Variants in MICU1 observed in about 807,000 individuals in gnomAD.
MICU1 encodes the protein calcium uptake protein 1, mitochondrial.
A neutral mutation model predicts 56.8 loss-of-function variants in MICU1; 45 were observed. The ratio of observed to expected loss-of-function variants is 0.79; its 90% CI spans 0.62 to 1.02. MICU1 has a LOEUF of 1.02. Among genes scored for constraint, MICU1 ranks in the 50% least tolerant of loss-of-function variants. The pLI, the probability that MICU1 is intolerant of heterozygous loss-of-function variation, is 0.00. For missense variants in MICU1, 504 were observed against 587.1 expected (o/e 0.86, Z 1.46); for synonymous variants, 186 against 195.1 (o/e 0.95, Z 0.39).
In MICU1 at chr10:72,516,117, T is replaced by G. The variant is rs1286239273; in HGVS notation, c.538-7848A>C. On this transcript the variant is annotated intron_variant, in intron 5 of 11. Coordinates refer to ENST00000361114, the MANE Select transcript of MICU1 (RefSeq NM_001195518.2). The stretch of plus-strand genomic sequence containing the variant: ...CAGCATCTGTTGTTTCCTGACTTTT[T>G]AATGATTGCCATTCTAACTGGCACG... Among the ~76,000 whole-genome samples, 3 of 152,232 alleles carry G rather than the reference T, an allele frequency of 2.0e-5. No individual in the cohort carries two copies. The South Asian group carries it at 6.2e-4, about 31-fold the overall frequency.
At chr10:72,605,520 G>C (rs2132555670) in intron 1 of MICU1, among the ~76,000 whole-genome samples, 1 of 152,216 alleles carries the variant, frequency 6.6e-6, no homozygotes, top group African/African-American at 2.4e-5. Flanking sequence ...ATTCTTTCTT[G>C]GGCAAAGCCA....
At chr10:72,420,197 T>C (rs1442227764) in intron 9 of MICU1, among the ~76,000 whole-genome samples, 1 of 152,108 alleles carries the variant, frequency 6.6e-6, no homozygotes, top group East Asian at 1.9e-4. Flanking sequence ...GTAGCTAGGA[T>C]TACAGGCATG....
At position 72,542,799 on chromosome 10, in the gene MICU1, T is replaced by C. The variant is rs555294227; in HGVS notation, c.493+8380A>G. 2.0e-5 allele frequency among the ~76,000 whole-genome samples: 3 copies of C among 152,336 alleles called. No homozygotes were observed. In the East Asian group the frequency reaches 5.8e-4, roughly 29 times the overall value. On this transcript the variant is annotated intron_variant, in intron 4 of 11. Transcript: ENST00000361114. ...TGTTGGCTCCCAAGCTCCTGTCTGG[T>C]GTCCAGGAAAATTGAGGTCGCACGA...
intron 4 of MICU1, among the ~76,000 whole-genome samples, chr10:72,547,531 A>ATG (rs1281947889): frequency 1.6e-4 from 16 of 99,746 alleles, no homozygotes; most frequent in African/African-American, 6.7e-4. Context: ...ATATACACAT[A>ATG]TGTATATATA....
intron 1 of MICU1, among the ~76,000 whole-genome samples, chr10:72,611,694 T>C (rs1401471824): frequency 6.6e-6 from 1 of 152,118 alleles, no homozygotes; most frequent in Non-Finnish European, 1.5e-5. Flanking sequence ...TCTGCCCCAA[T>C]ACTCTCAAAC....
chr10:72,412,971 C>G (rs1863871405), intron 9 of MICU1, among the ~76,000 whole-genome samples: 1 of 151,716 alleles, frequency 6.6e-6, no homozygotes, highest in African/African-American at 2.4e-5. Flanking sequence ...CAAAGGCGGG[C>G]AGATCACTTG....
intron 1 of MICU1, among the ~76,000 whole-genome samples, chr10:72,603,382 G>A (rs1318537189): frequency 9.4e-6 from 1 of 105,912 alleles, no homozygotes; most frequent in East Asian, 2.0e-4. Context: ...GCAAGACTCT[G>A]TCTCAAAAAA....
chr10:72,535,890 A>T (rs1229476407), intron 4 of MICU1, among the ~76,000 whole-genome samples: 4 of 152,142 alleles, frequency 2.6e-5, no homozygotes, highest in Non-Finnish European at 4.4e-5. Context: ...AAAGGAAGAA[A>T]TTCTGTCATT....
intron 1 of MICU1, among the ~76,000 whole-genome samples, chr10:72,603,588 T>C (rs1054384073): frequency 1.9e-4 from 29 of 151,972 alleles, no homozygotes; most frequent in Non-Finnish European, 3.5e-4. Flanking sequence ...ATGGATCACC[T>C]GAGGTCAGGA....
intron 8 of MICU1, among the ~76,000 whole-genome samples, chr10:72,456,948 T>TGTGTGTGTGTGG (rs1476740822): frequency 0.017 from 621 of 36,422 alleles, 4 homozygotes; most frequent in African/African-American, 0.052. Flanking sequence ...ATTGCCCAGG[T>TGTGTGTGTGTGG]GTGTGTGTGT....
At chr10:72,436,093 G>A (rs899844947) in intron 8 of MICU1, among the ~76,000 whole-genome samples, 8 of 152,352 alleles carry the variant, frequency 5.3e-5, no homozygotes, top group Non-Finnish European at 8.8e-5. Flanking sequence ...CTTCAAGTGG[G>A]TCCCTGACCC....
At chr10:72,490,923 C>A (rs1229525097) in intron 6 of MICU1, among the ~76,000 whole-genome samples, 1 of 152,178 alleles carries the variant, frequency 6.6e-6, no homozygotes, top group Non-Finnish European at 1.5e-5. Context: ...TCGTCCAGAT[C>A]TGAGGGCTTC....
At chr10:72,532,552 A>G (rs1839516817) in intron 5 of MICU1, among the ~76,000 whole-genome samples, 1 of 152,206 alleles carries the variant, frequency 6.6e-6, no homozygotes. Context: ...GTGTTGCAGT[A>G]AGTCCTCACA....
intron 5 of MICU1, among the ~76,000 whole-genome samples, chr10:72,526,176 A>G (rs1214459731): frequency 6.6e-6 from 1 of 152,236 alleles, no homozygotes; most frequent in Non-Finnish European, 1.5e-5. Context: ...TAATTTAAAG[A>G]ACTTTGGATG....
chr10:72,577,103 T>C (rs1840766384), intron 1 of MICU1, among the ~76,000 whole-genome samples: 1 of 152,130 alleles, frequency 6.6e-6, no homozygotes, highest in African/African-American at 2.4e-5. Context: ...AAATATTCTA[T>C]GTTCTCACTA....
intron 10 of MICU1, among the ~76,000 whole-genome samples, chr10:72,403,225 T>A (rs1234691476): frequency 4.6e-5 from 7 of 151,514 alleles, no homozygotes; most frequent in Non-Finnish European, 1.0e-4. Context: ...CCGGGTGTGG[T>A]GGTGGGAGCC....
At chr10:72,430,071 G>A (rs1468802519) in intron 8 of MICU1, among the ~76,000 whole-genome samples, 1 of 152,100 alleles carries the variant, frequency 6.6e-6, no homozygotes, top group Non-Finnish European at 1.5e-5. Context: ...TAGAATAGGA[G>A]ACATTATGAC....
chr10:72,623,300 C>CA (rs1164753291), intron 1 of MICU1, among the ~76,000 whole-genome samples: 3,300 of 55,808 alleles, frequency 0.059, 572 homozygotes, highest in African/African-American at 0.24. Flanking sequence ...GACTCCGTCT[C>CA]AAAAAAAAAA....
intron 3 of MICU1, among the ~76,000 whole-genome samples, chr10:72,561,839 A>G (rs924406436): frequency 6.6e-6 from 1 of 152,198 alleles, no homozygotes; most frequent in African/African-American, 2.4e-5. Context: ...TTCATCTAAC[A>G]TATGAAACCA....
Sources: allele counts gnomAD v4.1 joint callset (sites outside exome capture counted in the v4.1 genomes callset), GRCh38; gene constraint gnomAD v4.1.1; transcripts MANE v1.5; gene names NCBI Gene and HGNC (gene_info 2026-07-23, HGNC 2026-07-21).